The following SDK1 variants were observed in gnomAD, a reference collection of about 807,000 sequenced individuals.
The protein encoded by SDK1 is sidekick cell adhesion molecule 1, also known as protein sidekick-1.
Under a neutral mutation model 245.5 loss-of-function variants are expected in SDK1, and 157 were observed. That is an observed-to-expected ratio of 0.64 (90% CI 0.56 to 0.73). The LOEUF (loss-of-function observed/expected upper bound fraction) is 0.73. Ranked by LOEUF, SDK1 falls within the 30% of genes least tolerant of loss-of-function variation. The pLI is 0.00. For missense variants in SDK1, 3,583 were observed against 3,002.3 expected, an observed-to-expected ratio of 1.19 and a Z score of -4.52; for synonymous variants, 1,647 against 1,278.5, an observed-to-expected ratio of 1.29 and a Z score of -6.15.
At chr7:3,730,924 C>G (rs1008277470) in intron 4 of SDK1, among the ~76,000 whole-genome samples, 5 of 152,146 alleles carry the variant, frequency 3.3e-5, no homozygotes, top group Non-Finnish European at 7.3e-5. Flanking sequence ...AGCATCAGGC[C>G]TAAGGTCCCA....
At chr7:4,067,702 T>C in intron 19 of SDK1, 136 bp from the exon 20 acceptor site, 1 of 598,252 alleles carries the variant, frequency 1.7e-6, no homozygotes, top group Admixed American at 2.9e-5. Flanking sequence ...CTTTCTGCAT[T>C]CCACTGATGT....
chr7:3,549,334 T>C (rs1187976876), intron 1 of SDK1, among the ~76,000 whole-genome samples: 1 of 152,242 alleles, frequency 6.6e-6, no homozygotes, highest in African/African-American at 2.4e-5. Flanking sequence ...ATACTTCTTG[T>C]ACCTTCCTCT....
chr7:3,406,573 C>T (rs182633564), intron 1 of SDK1, among the ~76,000 whole-genome samples: 7 of 152,198 alleles, frequency 4.6e-5, no homozygotes, highest in East Asian at 1.9e-4. Context: ...TTCTATAGAT[C>T]GTTTTGTGGA....
intron 1 of SDK1, among the ~76,000 whole-genome samples, chr7:3,502,094 T>C (rs1448082966): frequency 6.6e-6 from 1 of 152,130 alleles, no homozygotes. Context: ...TAGTGGGGTT[T>C]AGTCAGTCAC....
intron 4 of SDK1, among the ~76,000 whole-genome samples, chr7:3,711,545 G>C (rs1407913939): frequency 6.6e-6 from 1 of 152,212 alleles, no homozygotes; most frequent in African/African-American, 2.4e-5. Context: ...CATTTGCATA[G>C]CTTCCTAAGT....
Position 3,970,265 on chromosome 7 carries a change from A to C in SDK1, c.1714+841A>C, listed in dbSNP as rs79076105. Among the ~76,000 whole-genome samples the C allele has an allele frequency of 3.2e-3, 487 of 151,734 alleles. 10 individuals carry two copies. In the South Asian group the frequency reaches 0.045, roughly 14 times the overall value. The stretch of plus-strand genomic sequence containing the variant: ...GTTATTCTTCCAGAAAAAGTAAATC[A>C]TTGTGCTTCATTTCATATTTGTCTA... On this transcript the variant is annotated intron_variant, in intron 11 of 44. Transcript: ENST00000404826.
chr7:4,037,553 G>A (rs1024263110), intron 17 of SDK1, among the ~76,000 whole-genome samples: 4 of 152,290 alleles, frequency 2.6e-5, no homozygotes, highest in Non-Finnish European at 5.9e-5. Flanking sequence ...GGAGGTTGAG[G>A]TTGCTGCAGT....
At chr7:3,504,264 T>C (rs533500199) in intron 1 of SDK1, among the ~76,000 whole-genome samples, 41 of 150,520 alleles carry the variant, frequency 2.7e-4, no homozygotes, top group Non-Finnish European at 5.6e-4. Flanking sequence ...GCTGTTGTTG[T>C]CGTTGTTGTT....
chr7:4,065,111 C>G (rs1562754436), intron 19 of SDK1, among the ~76,000 whole-genome samples: 1 of 152,176 alleles, frequency 6.6e-6, no homozygotes, highest in African/African-American at 2.4e-5. Context: ...CATAGGCACT[C>G]TGAACACCCT....
rs1253030523 is a variant in SDK1 at position 4,139,491 on chromosome 7, ATATG to A, written c.4229-6229_4229-6226del. 5.0e-5 allele frequency among the ~76,000 whole-genome samples: 6 copies of A among 120,492 alleles called. 1 individual carries two copies. Among genetic ancestry groups the A allele is most frequent in the Non-Finnish European group, 6.7e-5 (4 of 59,852 alleles). 79.0% of individuals were successfully genotyped at this position (120,492 alleles called of 152,430 possible). ...TATGTGTGTGTATATGTGTGTGTAT[ATATG>A]TGTGTGTGTATATGTATATATGTGT... On this transcript the variant is annotated intron_variant, in intron 28 of 44. Transcript: ENST00000404826.
At chr7:3,758,976 C>T (rs1420718991) in intron 4 of SDK1, among the ~76,000 whole-genome samples, 1 of 152,186 alleles carries the variant, frequency 6.6e-6, no homozygotes, top group Non-Finnish European at 1.5e-5. Context: ...GTTTTCCTCC[C>T]TTGGTTACTT....
intron 1 of SDK1, among the ~76,000 whole-genome samples, chr7:3,543,865 A>G (rs549282658): frequency 6.6e-6 from 1 of 152,316 alleles, no homozygotes; most frequent in African/African-American, 2.4e-5. Context: ...AGACCCATTT[A>G]TTGGTTACTT....
intron 4 of SDK1, among the ~76,000 whole-genome samples, chr7:3,690,478 G>T (rs755510296): frequency 6.6e-6 from 1 of 151,892 alleles, no homozygotes; most frequent in South Asian, 2.1e-4. Flanking sequence ...CAAATTTTTC[G>T]TGTAGGGATT....
At chr7:3,993,563 T>G (rs1363089833) in intron 14 of SDK1, among the ~76,000 whole-genome samples, 1 of 152,254 alleles carries the variant, frequency 6.6e-6, no homozygotes, top group East Asian at 1.9e-4. Flanking sequence ...TACTTTTTAT[T>G]ATTCTAGTTA....
intron 22 of SDK1, among the ~76,000 whole-genome samples, chr7:4,110,367 C>G (rs1401840335): frequency 1.3e-5 from 2 of 152,224 alleles, no homozygotes; most frequent in African/African-American, 4.8e-5. Context: ...CTGATGGCCT[C>G]CAAGCCCTCA....
At chr7:3,608,266 C>A (rs1419302170) in intron 1 of SDK1, among the ~76,000 whole-genome samples, 1 of 152,200 alleles carries the variant, frequency 6.6e-6, no homozygotes, top group Admixed American at 6.5e-5. Flanking sequence ...ATAAACTCTT[C>A]TGCTGTACGC....
chr7:4,029,207 A>T (rs1386773446), intron 17 of SDK1, among the ~76,000 whole-genome samples: 22 of 104,532 alleles, frequency 2.1e-4, no homozygotes, highest in African/African-American at 7.2e-4. Flanking sequence ...TCTTTCTTTT[A>T]TTCTTTCTTT....
At chr7:4,041,042 C>T (rs796425796) in intron 17 of SDK1, among the ~76,000 whole-genome samples, 8 of 152,380 alleles carry the variant, frequency 5.3e-5, no homozygotes, top group African/African-American at 1.9e-4. Context: ...CTTACCCTCA[C>T]TATCTGCCTA....
At chr7:3,745,610 C>T (rs1161483617) in intron 4 of SDK1, among the ~76,000 whole-genome samples, 1 of 152,068 alleles carries the variant, frequency 6.6e-6, no homozygotes, top group East Asian at 1.9e-4. Flanking sequence ...TTAATCGCCT[C>T]CACAATCAAG....
Sources: allele counts gnomAD v4.1 joint callset (sites outside exome capture counted in the v4.1 genomes callset), GRCh38; gene constraint gnomAD v4.1.1; transcripts MANE v1.5; gene names NCBI Gene and HGNC (gene_info 2026-07-23, HGNC 2026-07-21).